The following ZNF704 variants were observed in gnomAD, a reference collection of about 807,000 sequenced individuals.
ZNF704 encodes the protein zinc finger protein 704.
A neutral mutation model predicts 44.7 loss-of-function variants in ZNF704; 10 were observed. That is an observed-to-expected ratio of 0.22 (90% CI 0.14 to 0.38). ZNF704 has a LOEUF of 0.38. Ranked by LOEUF, ZNF704 falls within the 10% of genes least tolerant of loss-of-function variation. ZNF704 has a pLI of 1.00. For missense variants in ZNF704, 390 were observed against 545.5 expected, an observed-to-expected ratio of 0.71 and a Z score of 2.84; for synonymous variants, 211 against 207.6, an observed-to-expected ratio of 1.02 and a Z score of -0.14.
At chr8:80,855,147 A>G (rs1404666861) in intron 1 of ZNF704, among the ~76,000 whole-genome samples, 2 of 152,218 alleles carry the variant, frequency 1.3e-5, no homozygotes, top group African/African-American at 4.8e-5. Context: ...GTCTGTACCC[A>G]GCAAAGTGTC....
intron 2 of ZNF704, among the ~76,000 whole-genome samples, chr8:80,817,941 C>T (rs961373414): frequency 2.6e-5 from 4 of 152,110 alleles, no homozygotes; most frequent in African/African-American, 9.7e-5. Context: ...CCGTAACCTC[C>T]AGGAAGGCTG....
At chr8:80,802,194 CAAAAAA>C (rs748625927) in intron 2 of ZNF704, among the ~76,000 whole-genome samples, 1 of 82,524 alleles carries the variant, frequency 1.2e-5, no homozygotes, top group African/African-American at 4.7e-5. Context: ...GCCTACCAAC[CAAAAAA>C]AAAAAAAAAA....
intron 2 of ZNF704, among the ~76,000 whole-genome samples, chr8:80,717,339 G>C (rs763515777): frequency 2.6e-5 from 4 of 152,180 alleles, no homozygotes; most frequent in Non-Finnish European, 5.9e-5. Context: ...TTCATGCCAG[G>C]CACTGAGGAT....
At chr8:80,868,273 C>T (rs1290087831) in intron 1 of ZNF704, among the ~76,000 whole-genome samples, 1 of 152,136 alleles carries the variant, frequency 6.6e-6, no homozygotes, top group East Asian at 1.9e-4. Flanking sequence ...CAGATAAATG[C>T]TTAAGCTTCT....
intron 7 of ZNF704, among the ~76,000 whole-genome samples, chr8:80,653,579 T>G (rs1362282496): frequency 6.6e-6 from 1 of 152,120 alleles, no homozygotes; most frequent in Non-Finnish European, 1.5e-5. Flanking sequence ...ATGAGTGAAC[T>G]CCCATTCACA....
intron 1 of ZNF704, among the ~76,000 whole-genome samples, chr8:80,871,591 T>A (rs1208738308): frequency 6.6e-6 from 1 of 152,260 alleles, no homozygotes; most frequent in Non-Finnish European, 1.5e-5. Context: ...TGATTGTTGC[T>A]ATGATGCCTC....
chr8:80,708,124 T>A (rs942648242), intron 2 of ZNF704, among the ~76,000 whole-genome samples: 1 of 152,250 alleles, frequency 6.6e-6, no homozygotes, highest in Non-Finnish European at 1.5e-5. Context: ...AATATAGGTA[T>A]CCTGTCCCTA....
chr8:80,707,074 G>A (rs1779397452), intron 2 of ZNF704, among the ~76,000 whole-genome samples: 2 of 152,182 alleles, frequency 1.3e-5, no homozygotes, highest in South Asian at 4.1e-4. Flanking sequence ...CTGCCACTGT[G>A]GGTTGATGTC....
chr8:80,823,333 A>T (rs1275394601), intron 1 of ZNF704, among the ~76,000 whole-genome samples: 1 of 152,228 alleles, frequency 6.6e-6, no homozygotes, highest in East Asian at 1.9e-4. Flanking sequence ...CAAGGACAGC[A>T]GTCTGAGATC....
chr8:80,832,381 G>C (rs1341010262), intron 1 of ZNF704, among the ~76,000 whole-genome samples: 2 of 152,180 alleles, frequency 1.3e-5, no homozygotes, highest in African/African-American at 4.8e-5. Context: ...CGGCGCATCA[G>C]AAAAGAGAAT....
At chr8:80,752,955 A>G (rs1310726902) in intron 2 of ZNF704, among the ~76,000 whole-genome samples, 4 of 152,180 alleles carry the variant, frequency 2.6e-5, no homozygotes. Flanking sequence ...GAACAAGTAA[A>G]AAGTATTCAT....
chr8:80,788,708 G>A (rs954749650), intron 2 of ZNF704, among the ~76,000 whole-genome samples: 3 of 152,242 alleles, frequency 2.0e-5, no homozygotes, highest in East Asian at 1.9e-4. Flanking sequence ...GGGCCTTTAC[G>A]ACACCTGAGC....
At chr8:80,771,313 T>C in intron 2 of ZNF704, among the ~76,000 whole-genome samples, 1 of 151,642 alleles carries the variant, frequency 6.6e-6, no homozygotes. Context: ...ATTATTACTA[T>C]GTTGAGTCTT....
chr8:80,798,396 C>T (rs1807843223), intron 2 of ZNF704, among the ~76,000 whole-genome samples: 1 of 152,132 alleles, frequency 6.6e-6, no homozygotes, highest in African/African-American at 2.4e-5. Flanking sequence ...GCTAGGATTA[C>T]AGGCACTAGC....
At chr8:80,820,091 C>T (rs16908061) in intron 2 of ZNF704, among the ~76,000 whole-genome samples, 25,406 of 152,070 alleles carry the variant, frequency 0.17, 2,432 homozygotes, top group African/African-American at 0.26. Context: ...AATGTGGCAC[C>T]CATATTACAA....
chr8:80,823,612 A>G (rs554506770), intron 1 of ZNF704, among the ~76,000 whole-genome samples: 1 of 152,330 alleles, frequency 6.6e-6, no homozygotes, highest in South Asian at 2.1e-4. Context: ...GCAAACGTAC[A>G]GTCTGCCTCC....
rs547649298 is a variant in ZNF704, at chr8:80,643,109, C to T, written c.1053G>A (p.Pro351=). 35 of 1,604,672 alleles carry T rather than the reference C, an allele frequency of 2.2e-5. No individual in the cohort carries two copies. The highest frequency in any genetic ancestry group is 5.4e-5 in the African/African-American group (4 of 74,686). ...GCTGTCTCTGCTCTCCTGTGCCCAC[C>T]GGATGATGTGTGGGTGACACCTGGT... ...TGIPVSPTHH[P]VGTGEQRQHA... The change falls in exon 8 of 9, where the codon CCG becomes CCA. Residue 351 remains proline (P), a synonymous_variant. Coordinates refer to ENST00000327835, the MANE Select transcript of ZNF704 (RefSeq NM_001033723.3).
intron 1 of ZNF704, among the ~76,000 whole-genome samples, chr8:80,853,218 T>C (rs900788626): frequency 1.1e-4 from 16 of 152,116 alleles, no homozygotes; most frequent in African/African-American, 3.6e-4. Flanking sequence ...AGACAAAAAT[T>C]AGCCAGGCAT....
chr8:80,665,576 C>A (rs541405719), intron 5 of ZNF704, among the ~76,000 whole-genome samples: 2 of 152,114 alleles, frequency 1.3e-5, no homozygotes. Context: ...AGGGGTACCA[C>A]GTTCACTATT....
Sources: allele counts gnomAD v4.1 joint callset (sites outside exome capture counted in the v4.1 genomes callset), GRCh38; gene constraint gnomAD v4.1.1; transcripts MANE v1.5; gene names NCBI Gene and HGNC (gene_info 2026-07-23, HGNC 2026-07-21).